The following COQ3 variants were observed in gnomAD, a reference collection of about 807,000 sequenced individuals.
COQ3 encodes ubiquinone biosynthesis O-methyltransferase, mitochondrial.
Under a neutral mutation model 33.1 loss-of-function variants are expected in COQ3, and 29 were observed. That is an observed-to-expected ratio of 0.88 (90% CI 0.65 to 1.19). The LOEUF is 1.19. Among genes scored for constraint, COQ3 ranks in the 50% most tolerant of loss-of-function variants. COQ3 has a pLI of 0.00. For synonymous variants in COQ3, 173 were observed against 157.8 expected (o/e 1.10, Z -0.72); for missense variants, 437 against 430.7 (o/e 1.01, Z -0.13).
chr6:99,392,995 G>A (rs1238594442), intron 1 of COQ3, among the ~76,000 whole-genome samples: 1 of 152,008 alleles, frequency 6.6e-6, no homozygotes, highest in Non-Finnish European at 1.5e-5. Context: ...CTCAAAAATT[G>A]GAACTAGGTT....
intron 5 of COQ3, among the ~76,000 whole-genome samples, chr6:99,374,986 C>CA (rs1554207169): frequency 1.4e-5 from 2 of 140,302 alleles, no homozygotes; most frequent in Admixed American, 1.4e-4. Flanking sequence ...CAATTTCTTT[C>CA]TTTTTTTTTT....
At chr6:99,390,228 C>G (rs1214445301) in intron 1 of COQ3, among the ~76,000 whole-genome samples, 7 of 152,128 alleles carry the variant, frequency 4.6e-5, no homozygotes, top group African/African-American at 1.7e-4. Flanking sequence ...ATTTGTAAAT[C>G]TGTAATTGCC....
chr6:99,391,598 T>C (rs1263280410), intron 1 of COQ3, among the ~76,000 whole-genome samples: 1 of 11,228 alleles, frequency 8.9e-5, no homozygotes, highest in Non-Finnish European at 8.6e-3. Context: ...ATTTTAACAA[T>C]ATCTGCTTTT....
intron 1 of COQ3, among the ~76,000 whole-genome samples, chr6:99,393,718 T>C (rs896582704): frequency 1.3e-5 from 2 of 152,172 alleles, no homozygotes; most frequent in Non-Finnish European, 1.5e-5. Flanking sequence ...AAGCTATGCA[T>C]AACTACGAGG....
rs777394985 is a variant in COQ3 at position 99,376,007 on chromosome 6, G to A, written c.662C>T (p.Ala221Val). The A allele has an allele frequency of 1.4e-5, 22 of 1,613,802 alleles. No individual in the cohort carries two copies. Among genetic ancestry groups the A allele is most frequent in the Non-Finnish European group, 1.8e-5 (21 of 1,179,846 alleles). Residue 221 changes from alanine to valine, a missense_variant, in exon 5 of 7, where the codon GCT becomes GTT. By Grantham distance (64) the Ala-to-Val change is moderately conservative. Transcript: ENST00000254759. ...AATCACATGTTCTACAACTTCAGAA[G>A]CTACAACAGCATCAAATGTTTCTGC... is the stretch of plus-strand genomic sequence containing the variant. ...ETAETFDAVV[A>V]SEVVEHVIDL...
At chr6:99,387,665 T>C (rs536112210) in intron 1 of COQ3, among the ~76,000 whole-genome samples, 1 of 152,292 alleles carries the variant, frequency 6.6e-6, no homozygotes, top group South Asian at 2.1e-4. Flanking sequence ...CCTTTCCCCC[T>C]AAAATCAGAA....
chr6:99,385,287 C>T (rs1363262961), intron 1 of COQ3, among the ~76,000 whole-genome samples: 1 of 152,164 alleles, frequency 6.6e-6, no homozygotes, highest in African/African-American at 2.4e-5. Flanking sequence ...CAGAACAAGA[C>T]CATTATTCAA....
intron 3 of COQ3, 142 bp downstream of exon 3, chr6:99,380,047 T>C: frequency 2.8e-6 from 2 of 705,524 alleles, no homozygotes; most frequent in Non-Finnish European, 2.3e-6. Flanking sequence ...ACAGTGGTAA[T>C]TGAAAAGAAT....
At chr6:99,378,158 TTAGAG>T (rs1369342566) in intron 3 of COQ3, among the ~76,000 whole-genome samples, 1,764 of 79,118 alleles carry the variant, frequency 0.022, 68 homozygotes, top group South Asian at 0.057. Context: ...ATATATATAT[TTAGAG>T]AGAGAGAGAG....
intron 1 of COQ3, among the ~76,000 whole-genome samples, chr6:99,386,985 C>A (rs1396966207): frequency 6.6e-6 from 1 of 152,124 alleles, no homozygotes; most frequent in Non-Finnish European, 1.5e-5. Context: ...AGACTACAGA[C>A]CAATTCCTCT....
chr6:99,383,674 T>A, intron 2 of COQ3, 24 bp downstream of exon 2: 1 of 1,530,664 alleles, frequency 6.5e-7, no homozygotes. Flanking sequence ...ACGTGAATAT[T>A]TGCCACAGTA....
intron 1 of COQ3, among the ~76,000 whole-genome samples, chr6:99,389,523 C>T (rs1774764826): frequency 6.6e-6 from 1 of 152,164 alleles, no homozygotes; most frequent in Non-Finnish European, 1.5e-5. Flanking sequence ...CAAAGTATCT[C>T]TCCCAGCCCT....
chr6:99,386,020 A>C (rs1774643085), intron 1 of COQ3, among the ~76,000 whole-genome samples: 1 of 134,172 alleles, frequency 7.5e-6, no homozygotes, highest in African/African-American at 2.7e-5. Flanking sequence ...AGAAAAGAAA[A>C]AAGAAAAGGA....
Position 99,394,094 on chromosome 6 carries a change from C to G in COQ3, c.86G>C (p.Arg29Pro). 1.2e-6 allele frequency: 2 copies of G among 1,613,798 alleles called. No individual in the cohort carries two copies. The highest frequency in any genetic ancestry group is 1.7e-6 in the Non-Finnish European group (2 of 1,179,838). Residue 29 changes from arginine (R) to proline (P), a missense_variant, in exon 1 of 7, where the codon CGT (arginine) becomes CCT (proline). Physicochemically the swap from Arg to Pro is moderately radical, Grantham distance 103 (BLOSUM62 -2). Coordinates refer to ENST00000254759, the MANE Select transcript of COQ3 (RefSeq NM_017421.4). ...CTCACCCGCCGAGGAAATTAAGGGA[C>G]GCGCAGCTTTTGTATTACAGCCTCC... ...GPGGCNTKAA[R>P]PLISSAVYVK...
At chr6:99,394,000 A>T in intron 1 of COQ3, 74 bp downstream of exon 1, 1 of 1,286,122 alleles carries the variant, frequency 7.8e-7, no homozygotes, top group Non-Finnish European at 1.1e-6. Flanking sequence ...CCACCGCCCC[A>T]CCCCCGGCGC....
chr6:99,388,615 A>G (rs1168969484), intron 1 of COQ3, among the ~76,000 whole-genome samples: 1 of 151,998 alleles, frequency 6.6e-6, no homozygotes, highest in African/African-American at 2.4e-5. Context: ...TGGGAGATTG[A>G]GGCAGGTGGA....
intron 1 of COQ3, among the ~76,000 whole-genome samples, chr6:99,390,995 T>C (rs1477040074): frequency 6.6e-6 from 1 of 152,240 alleles, no homozygotes; most frequent in African/African-American, 2.4e-5. Flanking sequence ...TTTTATTTTT[T>C]AATCAGCCCT....
At chr6:99,372,820 C>T (rs1217239594) in intron 5 of COQ3, among the ~76,000 whole-genome samples, 1 of 151,860 alleles carries the variant, frequency 6.6e-6, no homozygotes, top group Non-Finnish European at 1.5e-5. Flanking sequence ...TTCTCATTAG[C>T]CTGATGAGGG....
At chr6:99,379,435 T>C (rs971404444) in intron 3 of COQ3, among the ~76,000 whole-genome samples, 1 of 152,192 alleles carries the variant, frequency 6.6e-6, no homozygotes, top group Admixed American at 6.5e-5. Context: ...TATGTTTCAT[T>C]CATCTTAGAG....
Sources: gnomAD v4.1 joint callset for allele counts (sites outside exome capture counted in the v4.1 genomes callset) on GRCh38, gnomAD v4.1.1 for gene constraint, MANE v1.5 for transcripts, NCBI Gene and HGNC (gene_info 2026-07-23, HGNC 2026-07-21) for gene names.